Variants in DNER observed in about 807,000 individuals in gnomAD.
DNER encodes the protein delta/notch like EGF repeat containing.
In DNER, 33 loss-of-function variants were observed where a neutral mutation model predicts 78.2. The ratio of observed to expected loss-of-function variants is 0.42; its 90% confidence interval spans 0.32 to 0.56. The LOEUF (loss-of-function observed/expected upper bound fraction) is 0.56, where lower values mean the gene tolerates loss of function less well. Among genes scored for constraint, DNER ranks in the 20% least tolerant of loss-of-function variants. The pLI, the probability that DNER is intolerant of heterozygous loss-of-function variation, is 0.11. For missense variants in DNER, 918 were observed against 975.3 expected, an observed-to-expected ratio of 0.94 and a Z score of 0.78; for synonymous variants, 417 against 384.8, an observed-to-expected ratio of 1.08 and a Z score of -0.98.
At chr2:229,627,631 G>C (rs971437763) in intron 1 of DNER, among the ~76,000 whole-genome samples, 1 of 152,232 alleles carries the variant, frequency 6.6e-6, no homozygotes, top group Non-Finnish European at 1.5e-5. Flanking sequence ...GGAAGAAAGA[G>C]AGGTCTGATT....
intron 1 of DNER, among the ~76,000 whole-genome samples, chr2:229,651,328 T>C (rs898538304): frequency 6.6e-6 from 1 of 152,222 alleles, no homozygotes; most frequent in Non-Finnish European, 1.5e-5. Context: ...AACACACTTA[T>C]AGATGACTGG....
At chr2:229,553,979 T>G (rs1208909116) in intron 4 of DNER, among the ~76,000 whole-genome samples, 2 of 152,138 alleles carry the variant, frequency 1.3e-5, no homozygotes, top group Non-Finnish European at 2.9e-5. Context: ...GCATTACTCA[T>G]AAAAGGTGCT....
intron 1 of DNER, among the ~76,000 whole-genome samples, chr2:229,636,015 A>C (rs1025739389): frequency 1.3e-5 from 2 of 152,122 alleles, no homozygotes; most frequent in African/African-American, 4.8e-5. Flanking sequence ...AAGTTAAGTA[A>C]TTTGGCCATG....
intron 11 of DNER, among the ~76,000 whole-genome samples, chr2:229,374,226 A>G (rs1692550808): frequency 6.6e-6 from 1 of 150,892 alleles, no homozygotes; most frequent in Non-Finnish European, 1.5e-5. Context: ...AACAATAGAC[A>G]TTAGGGACTA....
At chr2:229,465,580 A>G (rs1694786922) in intron 7 of DNER, among the ~76,000 whole-genome samples, 1 of 152,200 alleles carries the variant, frequency 6.6e-6, no homozygotes, top group Non-Finnish European at 1.5e-5. Flanking sequence ...GGAACTTAAA[A>G]TAACATTTAA....
chr2:229,682,085 G>A (rs1699397332), intron 1 of DNER, among the ~76,000 whole-genome samples: 2 of 152,148 alleles, frequency 1.3e-5, no homozygotes, highest in East Asian at 1.9e-4. Flanking sequence ...CAAGAAGGCA[G>A]GAGAGAATTC....
intron 1 of DNER, among the ~76,000 whole-genome samples, chr2:229,675,698 G>A (rs533834571): frequency 3.9e-5 from 6 of 152,276 alleles, no homozygotes; most frequent in African/African-American, 1.2e-4. Context: ...ACAGGCTCCC[G>A]TTCTGGCCAG....
intron 5 of DNER, among the ~76,000 whole-genome samples, chr2:229,543,433 C>A (rs529127213): frequency 6.6e-6 from 1 of 152,190 alleles, no homozygotes; most frequent in African/African-American, 2.4e-5. Context: ...AGTAACATGA[C>A]GACCGCCTTA....
intron 8 of DNER, among the ~76,000 whole-genome samples, chr2:229,420,479 T>G (rs1011889971): frequency 5.9e-5 from 9 of 152,218 alleles, no homozygotes; most frequent in Non-Finnish European, 1.2e-4. Flanking sequence ...GGATATCATA[T>G]CCAAGAAGTC....
At chr2:229,564,768 C>T (rs1697069811) in intron 4 of DNER, among the ~76,000 whole-genome samples, 1 of 152,136 alleles carries the variant, frequency 6.6e-6, no homozygotes, top group African/African-American at 2.4e-5. Flanking sequence ...AAGCAACCAA[C>T]ATGTATTTAA....
intron 5 of DNER, among the ~76,000 whole-genome samples, chr2:229,533,509 C>A (rs151218961): frequency 6.6e-6 from 1 of 152,070 alleles, no homozygotes; most frequent in South Asian, 2.1e-4. Flanking sequence ...GTCCTTGATG[C>A]GGCAGTAAAA....
intron 6 of DNER, among the ~76,000 whole-genome samples, chr2:229,479,585 C>G (rs934299390): frequency 1.3e-5 from 2 of 151,828 alleles, no homozygotes; most frequent in African/African-American, 2.4e-5. Flanking sequence ...TGGTGGCATA[C>G]GCCTGAAATC....
Position 229,653,249 on chromosome 2 carries a change from C to T in DNER, c.276+60899G>A, listed in dbSNP as rs548510713. Among the ~76,000 whole-genome samples, 4 of 152,348 alleles carry T rather than the reference C, an allele frequency of 2.6e-5. No homozygotes were observed. The South Asian group carries it at 8.3e-4, about 32-fold the overall frequency. ...GGGAGGCAGCCGCCTCTGCTGCTGACAGCTGCTGCCCAGTCCTGCTGGAGA... is the reference window on the plus strand; with the variant it reads ...GGGAGGCAGCCGCCTCTGCTGCTGATAGCTGCTGCCCAGTCCTGCTGGAGA... On this transcript the variant is annotated intron_variant, in intron 1 of 12. Coordinates refer to ENST00000341772, the MANE Select transcript of DNER (RefSeq NM_139072.4).
At chr2:229,517,217 G>A (rs1158563318) in intron 5 of DNER, among the ~76,000 whole-genome samples, 2 of 151,940 alleles carry the variant, frequency 1.3e-5, no homozygotes, top group Admixed American at 6.6e-5. Flanking sequence ...TGTGTATTAA[G>A]CATATACTAT....
intron 4 of DNER, among the ~76,000 whole-genome samples, chr2:229,579,279 C>A (rs1697352740): frequency 6.6e-6 from 1 of 152,090 alleles, no homozygotes; most frequent in African/African-American, 2.4e-5. Context: ...GCTTTTGTTG[C>A]CCCATTCACT....
intron 1 of DNER, among the ~76,000 whole-genome samples, chr2:229,664,367 G>C: frequency 6.6e-6 from 1 of 152,142 alleles, no homozygotes; most frequent in East Asian, 1.9e-4. Context: ...GGCCAGCTGG[G>C]CACGGTGGCT....
chr2:229,358,814 G>A (rs1369117854), intron 12 of DNER, among the ~76,000 whole-genome samples, 163 bp from the exon 13 acceptor site: 1 of 152,226 alleles, frequency 6.6e-6, no homozygotes, highest in African/African-American at 2.4e-5. Flanking sequence ...AACACTGAAT[G>A]TGTATAAACA....
chr2:229,517,428 C>A (rs1186684807), intron 5 of DNER, among the ~76,000 whole-genome samples: 11 of 152,210 alleles, frequency 7.2e-5, no homozygotes, highest in Admixed American at 7.2e-4. Flanking sequence ...CAATTTAAAA[C>A]CGGATGTACT....
intron 1 of DNER, among the ~76,000 whole-genome samples, chr2:229,621,008 T>C (rs146720142): frequency 2.4e-4 from 37 of 152,292 alleles, no homozygotes; most frequent in Admixed American, 6.5e-4. Flanking sequence ...AAAATAAATA[T>C]CTGCTGTTTA....
Sources: gnomAD v4.1 joint callset for allele counts (sites outside exome capture counted in the v4.1 genomes callset) on GRCh38, gnomAD v4.1.1 for gene constraint, MANE v1.5 for transcripts, NCBI Gene and HGNC (gene_info 2026-07-23, HGNC 2026-07-21) for gene names.